The following POU2F2 variants were observed in gnomAD, a reference collection of about 807,000 sequenced individuals.
The protein encoded by POU2F2 is POU class 2 homeobox 2, also known as POU domain, class 2, transcription factor 2.
In POU2F2, 14 loss-of-function variants were observed where a neutral mutation model predicts 63.5. The observed-to-expected ratio is 0.22, with a 90% CI of 0.15 to 0.34. POU2F2 has a LOEUF of 0.34. POU2F2 is among the 10% of genes least tolerant of loss of function. POU2F2 has a pLI of 1.00. For synonymous variants in POU2F2, 306 were observed against 348.6 expected (o/e 0.88, Z 1.36); for missense variants, 607 against 815.2 (o/e 0.74, Z 3.11).
upstream of POU2F2, chr19:42,132,669 C>T (rs967562802): frequency 1.0e-5 from 4 of 401,784 alleles, no homozygotes; most frequent in Middle Eastern, 6.3e-4. Context: ...CGGCTGCGAT[C>T]CAAGAGGTGC....
At chr19:42,115,204 CAG>C (rs2031693675) in intron 5 of POU2F2, among the ~76,000 whole-genome samples, 1 of 151,992 alleles carries the variant, frequency 6.6e-6, no homozygotes, top group Non-Finnish European at 1.5e-5. Context: ...GCCCAGTTTA[CAG>C]AGTGTCTCCA....
chr19:42,143,834 TAAACACCCCCTCCAC>T (rs1293363362), intron 2 of POU2F2, among the ~76,000 whole-genome samples: 1 of 152,148 alleles, frequency 6.6e-6, no homozygotes, highest in East Asian at 1.9e-4. Flanking sequence ...GAATTACACT[TAAACACCCCCTCCAC>T]AGAGAGGCCT....
chr19:42,178,318 T>A (rs966875177), upstream of POU2F2, among the ~76,000 whole-genome samples: 1 of 146,450 alleles, frequency 6.8e-6, no homozygotes, highest in Admixed American at 6.8e-5. Flanking sequence ...AGTGAAAAAA[T>A]ATATATGGGG....
rs540262163 is a variant in POU2F2 at position 42,095,660 on chromosome 19, G to A, written c.905C>T (p.Pro302Leu). The A allele has an allele frequency of 2.5e-6, 4 of 1,612,588 alleles. No individual in the cohort carries two copies. The highest frequency in any genetic ancestry group is 2.7e-5 in the African/African-American group (2 of 75,032). Residue 302 changes from proline (P) to leucine (L), a missense_variant, in exon 10 of 15, where the codon CCC (proline) becomes CTC (leucine). By Grantham distance (98) the Pro-to-Leu change is moderately conservative. Around this residue, in one of 7 missense-constraint regions of POU2F2, gnomAD observed 39 missense variants for 36.3 expected, o/e 1.07. Transcript: ENST00000692977. The surrounding 1 kb of genome is among the most constrained non-coding windows in gnomAD (Gnocchi z 7.1). Reference sequence around the variant, plus strand: ...CAGGCTGGGGCTGCTCAGCTGGTTGGGGCTGGGCAGGCTTGAGTCCACAGA... The same window carrying A: ...CAGGCTGGGGCTGCTCAGCTGGTTGAGGCTGGGCAGGCTTGAGTCCACAGA... ...TMSVDSSLPS[P>L]NQLSSPSLGF...
At chr19:42,176,849 G>GCCCGCCCGGCTCCCGCCCGGCT (rs1021575545), upstream of POU2F2, among the ~76,000 whole-genome samples, 11 of 151,648 alleles carry the variant, frequency 7.3e-5, no homozygotes, top group Non-Finnish European at 1.5e-4. Flanking sequence ...AGTGAGCGGC[G>GCCCGCCCGGCTCCCGCCCGGCT]CCCGCCCGGC....
At chr19:42,181,936 C>T (rs2034965428) in intron 1 of POU2F2, among the ~76,000 whole-genome samples, 1 of 152,018 alleles carries the variant, frequency 6.6e-6, no homozygotes, top group African/African-American at 2.4e-5. Context: ...AACATTTGTT[C>T]GCGCATCTGT....
intron 2 of POU2F2, among the ~76,000 whole-genome samples, chr19:42,151,615 TG>T (rs1432036618): frequency 1.3e-5 from 2 of 151,634 alleles, no homozygotes; most frequent in Admixed American, 6.6e-5. Context: ...CAAGGTCGGA[TG>T]GGGGTGGGGG....
In POU2F2 at chr19:42,116,532, C is replaced by T. The variant is rs143101505; in HGVS notation, c.369+718G>A. ...TTCCTCCCTGTGAGCCTCACTTTACCCCTCTGTAAGATGGGACAGCAACAT... is the reference window on the plus strand; with the variant it reads ...TTCCTCCCTGTGAGCCTCACTTTACTCCTCTGTAAGATGGGACAGCAACAT... On this transcript the variant is annotated intron_variant, in intron 5 of 14. Coordinates refer to ENST00000692977, the MANE Select transcript of POU2F2 (RefSeq NM_001394376.1). Among the ~76,000 whole-genome samples the T allele has an allele frequency of 1.8e-3, 277 of 152,234 alleles. 1 individual carries two copies. Among genetic ancestry groups the T allele is most frequent in the Middle Eastern group, 0.01 (3 of 294 alleles).
chr19:42,104,914 G>A (rs2077278637), intron 5 of POU2F2, among the ~76,000 whole-genome samples: 1 of 152,112 alleles, frequency 6.6e-6, no homozygotes, highest in South Asian at 2.1e-4. Flanking sequence ...AGTGGACTGG[G>A]TACTCCTGTG....
At position 42,106,003 on chromosome 19, in the gene POU2F2, C is replaced by CTT. The variant is rs1055005439; in HGVS notation, c.370-6184_370-6183dup. On this transcript the variant is annotated intron_variant, in intron 5 of 14. Transcript: ENST00000692977. ...ATGATATATAGGATCTTTCTTTTTTCTTTCTTTCTTTCTTTCTTTCTTTCT... is the reference window on the plus strand; with the variant it reads ...ATGATATATAGGATCTTTCTTTTTTCTTTTTCTTTCTTTCTTTCTTTCTTTCT... Among the ~76,000 whole-genome samples, 14 of 85,360 alleles carry CTT rather than the reference C, an allele frequency of 1.6e-4. No individual in the cohort carries two copies. The South Asian group carries it at 5.1e-3, about 31-fold the overall frequency. 56.0% of individuals were successfully genotyped at this position (85,360 alleles called of 152,430 possible). A position where few individuals can be genotyped will look rare whatever the true frequency, so the allele number is the denominator to read the frequency against.
At chr19:42,170,938 G>T (rs774796804) in intron 1 of POU2F2, among the ~76,000 whole-genome samples, 2 of 152,244 alleles carry the variant, frequency 1.3e-5, no homozygotes, top group Non-Finnish European at 2.9e-5. Context: ...TCCCCTCCTC[G>T]CTGACCAGCC....
At chr19:42,195,087 A>AGGGAGGAAGGAAGGAAGGG (rs2035123763) in intron 1 of POU2F2, among the ~76,000 whole-genome samples, 1 of 8,762 alleles carries the variant, frequency 1.1e-4, no homozygotes, top group African/African-American at 6.1e-4. Flanking sequence ...GGGAGGGAGG[A>AGGGAGGAAGGAAGGAAGGG]AGGGAGGAAG....
chr19:42,126,653 T>C lies in POU2F2; in HGVS notation c.29-4077A>G, dbSNP rs112092086. Among the ~76,000 whole-genome samples the C allele has an allele frequency of 1.6e-3, 238 of 152,250 alleles. 3 individuals carry two copies. Among genetic ancestry groups the C allele is most frequent in the African/African-American group, 5.4e-3 (225 of 41,534 alleles). ...CTTATTTCAGCCACCTAGTCTGTGG[T>C]ACTTTGATGTGGAAGCCCTAGCAAA... On this transcript the variant is annotated intron_variant, in intron 1 of 14. Coordinates refer to ENST00000692977, the MANE Select transcript of POU2F2 (RefSeq NM_001394376.1).
At chr19:42,105,215 A>C (rs912276794) in intron 5 of POU2F2, among the ~76,000 whole-genome samples, 4 of 152,072 alleles carry the variant, frequency 2.6e-5, no homozygotes, top group Non-Finnish European at 5.9e-5. Flanking sequence ...AAGTTGCATA[A>C]TCTTTTGGCC....
intron 14 of POU2F2, 33 bp downstream of exon 14, chr19:42,091,834 G>C (rs921764188): frequency 1.3e-6 from 2 of 1,539,506 alleles, no homozygotes; most frequent in Non-Finnish European, 1.7e-6. Flanking sequence ...GATAGGGCTG[G>C]TGACGATGGG....
chr19:42,121,891 G>A (rs1165457552), intron 4 of POU2F2, among the ~76,000 whole-genome samples: 2 of 152,058 alleles, frequency 1.3e-5, no homozygotes, highest in African/African-American at 2.4e-5. Flanking sequence ...GTTGTTCATC[G>A]CCCTGGGGCT....
intron 1 of POU2F2, among the ~76,000 whole-genome samples, chr19:42,174,420 C>T (rs540421711): frequency 2.0e-5 from 3 of 152,188 alleles, no homozygotes; most frequent in African/African-American, 4.8e-5. Context: ...CACGCGTGGA[C>T]GGCTTCCACG....
intron 5 of POU2F2, chr19:42,116,838 AGAGGAG>A (rs748467945): frequency 3.8e-5 from 15 of 397,342 alleles, no homozygotes; most frequent in East Asian, 3.0e-4. Context: ...AGGAGGAGGC[AGAGGAG>A]GAGGAGGAGG....
At chr19:42,100,405 T>C (rs2077092625) in intron 5 of POU2F2, among the ~76,000 whole-genome samples, 1 of 152,096 alleles carries the variant, frequency 6.6e-6, no homozygotes, top group Non-Finnish European at 1.5e-5. Flanking sequence ...TCTTTCTTGA[T>C]GAAATATTTT....
Sources: gnomAD v4.1 joint callset for allele counts (sites outside exome capture counted in the v4.1 genomes callset) on GRCh38, gnomAD v4.1.1 for gene constraint, gnomAD v4.1.1 regional missense constraint, Gnocchi (gnomAD v3.1) non-coding constraint, MANE v1.5 for transcripts, NCBI Gene and HGNC (gene_info 2026-07-23, HGNC 2026-07-21) for gene names.